Variants in XPO7 observed in about 807,000 individuals in gnomAD.
XPO7 encodes exportin 7.
A neutral mutation model predicts 144.3 loss-of-function variants in XPO7; 21 were observed. The ratio of observed to expected loss-of-function variants is 0.15; its 90% CI spans 0.10 to 0.21. The LOEUF (loss-of-function observed/expected upper bound fraction) is 0.21, where lower values mean the gene tolerates loss of function less well. Ranked by LOEUF, XPO7 falls within the 10% of genes least tolerant of loss-of-function variation. The pLI, the probability that XPO7 is intolerant of heterozygous loss-of-function variation, is 1.00. For missense variants in XPO7, 808 were observed against 1,325.8 expected (o/e 0.61, Z 6.06); for synonymous variants, 580 against 499.6 (o/e 1.16, Z -2.15).
chr8:21,927,558 T>TTTC (rs1563308369), intron 1 of XPO7, among the ~76,000 whole-genome samples: 2 of 139,010 alleles, frequency 1.4e-5, no homozygotes, highest in African/African-American at 2.6e-5. Flanking sequence ...TTTTTTTTTT[T>TTTC]TCTTAAGATG....
intron 1 of XPO7, among the ~76,000 whole-genome samples, chr8:21,960,515 A>G (rs529221964): frequency 6.6e-6 from 1 of 152,364 alleles, no homozygotes; most frequent in South Asian, 2.1e-4. Context: ...TTGGCCACAT[A>G]TTACCCACAA....
intron 26 of XPO7, among the ~76,000 whole-genome samples, 154 bp downstream of exon 26, chr8:22,003,471 A>G (rs1368449217): frequency 1.3e-5 from 2 of 152,254 alleles, no homozygotes; most frequent in Non-Finnish European, 2.9e-5. Context: ...TTGTGCTTTC[A>G]GTATCACATA....
Position 22,005,158 on chromosome 8 carries a change from AG to A in XPO7, c.*73del. On this transcript the variant is annotated 3_prime_UTR_variant, in exon 28 of 28. Transcript: ENST00000252512. ...TGGCCCAGAGGGGCGAACAATTGCAAGGGAGAGGGCCTGGCTGATCCTGGCT... is the reference window on the plus strand; with the variant it reads ...TGGCCCAGAGGGGCGAACAATTGCAAGGAGAGGGCCTGGCTGATCCTGGCT... 1 of 1,324,632 alleles carries A rather than the reference AG, an allele frequency of 7.5e-7. No homozygotes were observed. The highest frequency in any genetic ancestry group is 1.1e-6 in the Non-Finnish European group (1 of 950,132). 82.1% of individuals were successfully genotyped at this position (1,324,632 alleles called of 1,614,324 possible). A position where few individuals can be genotyped will look rare whatever the true frequency, so the allele number is the denominator to read the frequency against.
chr8:21,963,804 A>T (rs1162906807), intron 1 of XPO7, among the ~76,000 whole-genome samples: 2 of 152,226 alleles, frequency 1.3e-5, no homozygotes, highest in Admixed American at 6.5e-5. Flanking sequence ...CTAATGTACC[A>T]ACAAAATCTT....
intron 1 of XPO7, among the ~76,000 whole-genome samples, chr8:21,947,901 A>G (rs1811243761): frequency 6.6e-6 from 1 of 152,236 alleles, no homozygotes; most frequent in African/African-American, 2.4e-5. Flanking sequence ...GCTTCAGAAT[A>G]TATACGGTAA....
intron 1 of XPO7, among the ~76,000 whole-genome samples, chr8:21,943,684 T>C (rs528431692): frequency 2.6e-5 from 4 of 152,332 alleles, no homozygotes; most frequent in South Asian, 2.1e-4. Context: ...TGAGAATTCT[T>C]GTTTTCTCAC....
At chr8:21,987,714 G>A in intron 14 of XPO7, 70 bp from the exon 15 acceptor site, 1 of 1,557,756 alleles carries the variant, frequency 6.4e-7, no homozygotes, top group Non-Finnish European at 8.8e-7. Flanking sequence ...CATGAGTGTG[G>A]ACAAAAATAG....
chr8:22,004,089 A>G, intron 27 of XPO7, 59 bp downstream of exon 27: 1 of 1,603,506 alleles, frequency 6.2e-7, no homozygotes, highest in Non-Finnish European at 8.5e-7. Flanking sequence ...CAAATCAACG[A>G]AACAGGCAGT....
intron 15 of XPO7, among the ~76,000 whole-genome samples, chr8:21,988,105 C>G (rs1395704077): frequency 1.3e-5 from 2 of 152,226 alleles, no homozygotes; most frequent in African/African-American, 2.4e-5. Context: ...TCTGGAATCA[C>G]AGGTGAAACT....
chr8:21,945,837 C>G (rs1211056847), intron 1 of XPO7, among the ~76,000 whole-genome samples: 1 of 152,136 alleles, frequency 6.6e-6, no homozygotes, highest in Non-Finnish European at 1.5e-5. Flanking sequence ...TAAGGGAAAT[C>G]TCAATACCCT....
chr8:22,003,189 ACTGC>A (rs759959058), intron 25 of XPO7, 26 bp from the exon 26 acceptor site: 35 of 1,566,812 alleles, frequency 2.2e-5, no homozygotes, highest in Non-Finnish European at 1.6e-5. Flanking sequence ...ACATTAGGTC[ACTGC>A]CTGAAATTCT....
chr8:21,941,459 CT>C (rs1392960807), intron 1 of XPO7, among the ~76,000 whole-genome samples: 1 of 152,120 alleles, frequency 6.6e-6, no homozygotes, highest in African/African-American at 2.4e-5. Context: ...GACTCATATA[CT>C]TTAAATCATC....
At position 21,980,068 on chromosome 8, in the gene XPO7, T is replaced by C; in HGVS notation, c.838-16T>C. The C allele has an allele frequency of 6.4e-7, 1 of 1,563,246 alleles. No individual in the cohort carries two copies. Among genetic ancestry groups the C allele is most frequent in the Non-Finnish European group, 8.7e-7 (1 of 1,152,588 alleles). On this transcript the variant is annotated splice_polypyrimidine_tract_variant and intron_variant, in intron 8 of 27. Coordinates refer to ENST00000252512, the MANE Select transcript of XPO7 (RefSeq NM_015024.5). ...GTCTTTTTAATCGTTGTGTTTGGGTTCTGCCCTGCATTTAGGTATTATCCT... is the reference window on the plus strand; with the variant it reads ...GTCTTTTTAATCGTTGTGTTTGGGTCCTGCCCTGCATTTAGGTATTATCCT...
At chr8:22,000,901 T>C (rs1813118804) in intron 24 of XPO7, among the ~76,000 whole-genome samples, 1 of 152,230 alleles carries the variant, frequency 6.6e-6, no homozygotes, top group Admixed American at 6.5e-5. Flanking sequence ...TGGTGAATTA[T>C]CCATGCCTCT....
chr8:21,956,846 T>C (rs1402911714), intron 1 of XPO7, among the ~76,000 whole-genome samples: 1 of 152,200 alleles, frequency 6.6e-6, no homozygotes, highest in East Asian at 1.9e-4. Flanking sequence ...CTATATAGTT[T>C]TTACTTGTTC....
intron 4 of XPO7, 59 bp downstream of exon 4, chr8:21,970,369 A>AACACACACACAC: frequency 3.5e-6 from 4 of 1,135,674 alleles, no homozygotes; most frequent in Non-Finnish European, 5.0e-6. Flanking sequence ...CATATATATA[A>AACACACACACAC]ACACACACAC....
chr8:21,966,044 C>T (rs555022095), intron 1 of XPO7, among the ~76,000 whole-genome samples: 1 of 152,194 alleles, frequency 6.6e-6, no homozygotes, highest in Non-Finnish European at 1.5e-5. Flanking sequence ...TGCCTTTAAA[C>T]ACCACATTAA....
intron 1 of XPO7, among the ~76,000 whole-genome samples, chr8:21,932,031 G>A (rs549365458): frequency 1.3e-5 from 2 of 152,062 alleles, no homozygotes; most frequent in South Asian, 2.1e-4. Flanking sequence ...CCACCACCAC[G>A]CCCAGGTAAT....
At chr8:21,919,857 C>A in intron 1 of XPO7, 69 bp downstream of exon 1, 1 of 319,282 alleles carries the variant, frequency 3.1e-6, no homozygotes, top group Non-Finnish European at 5.8e-6. Context: ...GTGCACACGG[C>A]CCACAGGGCG....
Sources: allele counts gnomAD v4.1 joint callset (sites outside exome capture counted in the v4.1 genomes callset), GRCh38; gene constraint gnomAD v4.1.1; transcripts MANE v1.5; gene names NCBI Gene and HGNC (gene_info 2026-07-23, HGNC 2026-07-21).